Variants in ERC1 observed in about 807,000 individuals in gnomAD.
ERC1 encodes the protein RAB6 interacting protein 2.
In ERC1, 56 loss-of-function variants were observed where a neutral mutation model predicts 132.0. The ratio of observed to expected loss-of-function variants is 0.42; its 90% CI spans 0.34 to 0.53. The LOEUF is 0.53. Ranked by LOEUF, ERC1 falls within the 20% of genes least tolerant of loss-of-function variation. ERC1 has a pLI of 0.03. For synonymous variants in ERC1, 478 were observed against 476.1 expected (o/e 1.00, Z -0.05); for missense variants, 1,202 against 1,349.9 (o/e 0.89, Z 1.72).
At chr12:1,454,609 T>C (rs1341152654) in intron 18 of ERC1, among the ~76,000 whole-genome samples, 1 of 152,232 alleles carries the variant, frequency 6.6e-6, no homozygotes, top group Admixed American at 6.5e-5. Flanking sequence ...GTGCCGACTC[T>C]GTGAGATTAG....
intron 12 of ERC1, among the ~76,000 whole-genome samples, chr12:1,207,049 A>G (rs1957409492): frequency 6.6e-6 from 1 of 152,130 alleles, no homozygotes; most frequent in Non-Finnish European, 1.5e-5. Context: ...AAGTTAAAAT[A>G]CTTTTATACT....
rs575613981 is a variant in ERC1 at position 1,061,213 on chromosome 12, G to T, written c.670-21951G>T. On this transcript the variant is annotated intron_variant, in intron 2 of 18. Coordinates refer to ENST00000360905, the MANE Select transcript of ERC1 (RefSeq NM_178040.4). ...GCGTCTAATGATTCTTTGTATTTCT[G>T]TGGTTTCCTTTTTCATTTCAGATTT... 5.3e-5 allele frequency among the ~76,000 whole-genome samples: 8 copies of T among 152,210 alleles called. No individual in the cohort carries two copies. In the South Asian group the frequency reaches 1.7e-3, roughly 32 times the overall value.
At chr12:1,272,946 TAAAAAAAAA>T (rs56750908) in intron 14 of ERC1, among the ~76,000 whole-genome samples, 1 of 87,778 alleles carries the variant, frequency 1.1e-5, no homozygotes, top group East Asian at 4.5e-4. Context: ...AGACTCCGTC[TAAAAAAAAA>T]AAAAAAAAAA....
rs562907874 is a variant in ERC1 at position 1,435,789 on chromosome 12, C to T, written c.3025-8773C>T. ...TGTTTCCGATGTTAGCATTAAAGAT[C>T]AGATTTCTGTATGTGACTTGCCTTT... On this transcript the variant is annotated intron_variant, in intron 17 of 18. Transcript: ENST00000360905. 3.3e-5 allele frequency among the ~76,000 whole-genome samples: 5 copies of T among 152,294 alleles called. No homozygotes were observed. In the South Asian group the frequency reaches 1.0e-3, roughly 32 times the overall value.
intron 15 of ERC1, among the ~76,000 whole-genome samples, chr12:1,316,395 G>T (rs2081726860): frequency 6.6e-6 from 1 of 151,828 alleles, no homozygotes; most frequent in Non-Finnish European, 1.5e-5. Flanking sequence ...ACCAGGCATG[G>T]CTCTGTTAAC....
intron 2 of ERC1, among the ~76,000 whole-genome samples, chr12:1,067,232 A>C (rs1255087791): frequency 6.6e-6 from 1 of 152,226 alleles, no homozygotes; most frequent in African/African-American, 2.4e-5. Flanking sequence ...TTTTTTAACA[A>C]GCCAGTTTGA....
intron 12 of ERC1, among the ~76,000 whole-genome samples, chr12:1,213,163 A>G (rs941801246): frequency 5.9e-5 from 9 of 152,110 alleles, no homozygotes; most frequent in African/African-American, 2.2e-4. Flanking sequence ...TCTAGATGTA[A>G]AATTATTTCC....
At chr12:1,172,077 TTC>T (rs1205132344) in intron 8 of ERC1, among the ~76,000 whole-genome samples, 2 of 152,300 alleles carry the variant, frequency 1.3e-5, no homozygotes, top group Admixed American at 6.5e-5. Context: ...ACCATTTTAT[TTC>T]TGTTTCTTTC....
intron 15 of ERC1, among the ~76,000 whole-genome samples, chr12:1,371,178 A>T (rs1294602610): frequency 6.6e-5 from 9 of 136,168 alleles, no homozygotes; most frequent in Non-Finnish European, 1.1e-4. Flanking sequence ...ATGCCCACTG[A>T]TGGGAACTCC....
At chr12:1,461,655 GA>G (rs1032773216) in intron 18 of ERC1, among the ~76,000 whole-genome samples, 2 of 152,050 alleles carry the variant, frequency 1.3e-5, no homozygotes, top group Non-Finnish European at 2.9e-5. Context: ...AGACAAGAGC[GA>G]AACTCTGTCT....
chr12:1,406,446 A>G (rs1388187537), intron 16 of ERC1, among the ~76,000 whole-genome samples: 1 of 152,202 alleles, frequency 6.6e-6, no homozygotes, highest in East Asian at 1.9e-4. Context: ...ATGCTATAAG[A>G]TATAGTAATT....
chr12:1,390,819 A>C (rs2089898841), intron 16 of ERC1: 2 of 152,086 alleles, frequency 1.3e-5, no homozygotes, highest in African/African-American at 4.8e-5. Context: ...GATTAAGTTG[A>C]GGTCACTTCC....
chr12:1,323,672 G>A (rs189720787), intron 15 of ERC1, among the ~76,000 whole-genome samples: 9 of 152,234 alleles, frequency 5.9e-5, no homozygotes, highest in Non-Finnish European at 1.3e-4. Flanking sequence ...CTCTGAGTAT[G>A]GGTAGGTAAA....
At chr12:1,178,342 T>C (rs748139891) in intron 8 of ERC1, among the ~76,000 whole-genome samples, 10 of 152,322 alleles carry the variant, frequency 6.6e-5, no homozygotes, top group Non-Finnish European at 1.2e-4. Flanking sequence ...ATTTTATTCA[T>C]TTATTGATTA....
intron 12 of ERC1, among the ~76,000 whole-genome samples, chr12:1,193,159 C>T (rs970284724): frequency 7.2e-5 from 11 of 152,072 alleles, no homozygotes; most frequent in Non-Finnish European, 1.5e-4. Context: ...GATTCCCAGG[C>T]CTGTTCTTTG....
intron 14 of ERC1, among the ~76,000 whole-genome samples, chr12:1,270,075 T>C (rs2077726835): frequency 6.6e-6 from 1 of 152,230 alleles, no homozygotes; most frequent in South Asian, 2.1e-4. Flanking sequence ...TATGTAATTC[T>C]GAAGGAATGC....
At chr12:1,244,504 T>TTGTC in intron 13 of ERC1, 1 of 231,398 alleles carries the variant, frequency 4.3e-6, no homozygotes, top group South Asian at 3.0e-5. Context: ...AATGGTTTGT[T>TTGTC]TGTTTGTTTG....
At chr12:1,236,648 G>A (rs898748802) in intron 12 of ERC1, 121 bp from the exon 13 acceptor site, 20 of 959,668 alleles carry the variant, frequency 2.1e-5, no homozygotes, top group Admixed American at 2.9e-5. Flanking sequence ...AAATTTCGCA[G>A]CATGTATTTA....
At chr12:1,180,297 G>A (rs1022964868) in intron 8 of ERC1, among the ~76,000 whole-genome samples, 8 of 129,366 alleles carry the variant, frequency 6.2e-5, no homozygotes, top group Non-Finnish European at 1.0e-4. Flanking sequence ...GCACGCGTGT[G>A]CGCGCGCGCA....
Sources: gnomAD v4.1 joint callset for allele counts (sites outside exome capture counted in the v4.1 genomes callset) on GRCh38, gnomAD v4.1.1 for gene constraint, MANE v1.5 for transcripts, NCBI Gene and HGNC (gene_info 2026-07-23, HGNC 2026-07-21) for gene names.